The following SCN8A variants were observed in gnomAD, a reference collection of about 807,000 sequenced individuals.
SCN8A encodes sodium voltage-gated channel alpha subunit 8.
In SCN8A, 30 loss-of-function variants were observed where a neutral mutation model predicts 184.1. The observed-to-expected ratio is 0.16, with a 90% CI of 0.12 to 0.22. The LOEUF is 0.22. Among genes scored for constraint, SCN8A ranks in the 10% least tolerant of loss-of-function variants. The pLI, the probability that SCN8A is intolerant of heterozygous loss-of-function variation, is 1.00. For synonymous variants in SCN8A, 852 were observed against 907.0 expected (o/e 0.94, Z 1.09); for missense variants, 1,057 against 2,498.9 (o/e 0.42, Z 12.30).
At chr12:51,671,009 A>G (rs1427647270) in intron 2 of SCN8A, among the ~76,000 whole-genome samples, 3 of 152,228 alleles carry the variant, frequency 2.0e-5, no homozygotes, top group African/African-American at 7.2e-5. Context: ...ACGTGCATTA[A>G]TGAAGATAAC....
At chr12:51,667,541 T>C (rs1400444209) in intron 2 of SCN8A, among the ~76,000 whole-genome samples, 1 of 152,000 alleles carries the variant, frequency 6.6e-6, no homozygotes, top group Non-Finnish European at 1.5e-5. Flanking sequence ...CTCCCACTTT[T>C]AAAAGTTTTT....
chr12:51,779,257 C>T (rs1045266284), intron 20 of SCN8A, among the ~76,000 whole-genome samples: 2 of 149,542 alleles, frequency 1.3e-5, no homozygotes, highest in African/African-American at 4.9e-5. Context: ...AGACCCCAAA[C>T]ATTCTGGAGT....
Position 51,720,061 on chromosome 12 carries a change from G to A in SCN8A, c.1636-1485G>A, listed in dbSNP as rs1282100422. ...ACTGCACTCCAGCCTGGGCGACAGA[G>A]CGAGACTCCGTCTCAAAAAAAAAAA... On this transcript the variant is annotated intron_variant, in intron 11 of 26. Coordinates refer to ENST00000627620, the MANE Select transcript of SCN8A (RefSeq NM_001330260.2). Among the ~76,000 whole-genome samples, 284 of 129,880 alleles carry A rather than the reference G, an allele frequency of 2.2e-3. 2 individuals carry two copies. Among genetic ancestry groups the A allele is most frequent in the South Asian group, 0.016 (63 of 4,052 alleles). The allele number at this position is 129,880 out of a possible 152,430, so 85.2% of individuals were successfully genotyped here. A position where few individuals can be genotyped will look rare whatever the true frequency, so the allele number is the denominator to read the frequency against.
chr12:51,771,436 A>AG (rs1942924404), intron 19 of SCN8A, among the ~76,000 whole-genome samples: 1 of 152,032 alleles, frequency 6.6e-6, no homozygotes, highest in African/African-American at 2.4e-5. Flanking sequence ...CTGGAAGCAA[A>AG]AAAAAAAACA....
At chr12:51,632,682 C>CA in intron 1 of SCN8A, among the ~76,000 whole-genome samples, 1 of 152,278 alleles carries the variant, frequency 6.6e-6, no homozygotes. Context: ...AAGAAGCATA[C>CA]AGCAAACTAC....
intron 20 of SCN8A, among the ~76,000 whole-genome samples, chr12:51,777,416 C>T (rs1262474617): frequency 4.6e-5 from 7 of 152,162 alleles, no homozygotes; most frequent in South Asian, 2.1e-4. Flanking sequence ...CGTGCCAAGG[C>T]GCCCAGCTTG....
chr12:51,724,241 T>C (rs1168327436), intron 12 of SCN8A, among the ~76,000 whole-genome samples: 1 of 151,850 alleles, frequency 6.6e-6, no homozygotes, highest in Non-Finnish European at 1.5e-5. Context: ...AGGTCTGGAG[T>C]TTGAGACCAG....
At chr12:51,759,813 C>A (rs1942735603) in intron 14 of SCN8A, among the ~76,000 whole-genome samples, 1 of 152,190 alleles carries the variant, frequency 6.6e-6, no homozygotes, top group African/African-American at 2.4e-5. Flanking sequence ...TTATAACAGA[C>A]AGAAATTTAT....
intron 2 of SCN8A, among the ~76,000 whole-genome samples, chr12:51,675,732 A>G (rs1183136855): frequency 6.6e-6 from 1 of 152,206 alleles, no homozygotes; most frequent in Non-Finnish European, 1.5e-5. Context: ...AAATTGTAGT[A>G]TGCCTTGATA....
chr12:51,681,822 CT>C (rs1216691374), intron 2 of SCN8A, among the ~76,000 whole-genome samples: 2 of 152,096 alleles, frequency 1.3e-5, no homozygotes, highest in Non-Finnish European at 2.9e-5. Flanking sequence ...AAGAAAAGAA[CT>C]TTAAAAAACA....
At chr12:51,749,108 G>A (rs1942557536) in intron 13 of SCN8A, among the ~76,000 whole-genome samples, 1 of 152,218 alleles carries the variant, frequency 6.6e-6, no homozygotes, top group Admixed American at 6.5e-5. Flanking sequence ...TGTGGAACCA[G>A]TAACAGTTTG....
At chr12:51,701,309 A>G in intron 8 of SCN8A, 102 bp downstream of exon 8, 1 of 646,750 alleles carries the variant, frequency 1.5e-6, no homozygotes, top group Non-Finnish European at 2.5e-6. Context: ...GTGCTCAAGT[A>G]GTAGACCTTA....
chr12:51,757,736 A>G (rs972586955), intron 14 of SCN8A, among the ~76,000 whole-genome samples: 2 of 152,216 alleles, frequency 1.3e-5, no homozygotes, highest in Non-Finnish European at 2.9e-5. Flanking sequence ...GCAGTGAGCT[A>G]TGATCATGCC....
At chr12:51,711,028 T>G (rs1276086716) in intron 11 of SCN8A, among the ~76,000 whole-genome samples, 1 of 152,218 alleles carries the variant, frequency 6.6e-6, no homozygotes, top group Non-Finnish European at 1.5e-5. Flanking sequence ...ATTTAACCCT[T>G]TCTGAGAGAC....
chr12:51,725,803 A>G (rs1053430902), intron 12 of SCN8A, among the ~76,000 whole-genome samples: 2 of 152,252 alleles, frequency 1.3e-5, no homozygotes, highest in Non-Finnish European at 2.9e-5. Context: ...TAAATTAACT[A>G]GAAGCCCAAG....
intron 1 of SCN8A, among the ~76,000 whole-genome samples, chr12:51,657,633 T>C (rs989369726): frequency 6.6e-6 from 1 of 152,090 alleles, no homozygotes; most frequent in African/African-American, 2.4e-5. Context: ...TAGTTTGATA[T>C]AATCCCATTT....
In SCN8A at chr12:51,807,528, A is replaced by C. The variant is rs1304693300; in HGVS notation, c.*99A>C. 7.9e-7 allele frequency: 1 copy of C among 1,259,636 alleles called. No individual in the cohort carries two copies. Among genetic ancestry groups the C allele is most frequent in the African/African-American group, 1.5e-5 (1 of 67,088 alleles). The allele number at this position is 1,259,636 out of a possible 1,614,324, so 78.0% of individuals were successfully genotyped here. A position where few individuals can be genotyped will look rare whatever the true frequency, so the allele number is the denominator to read the frequency against. ...TTATCAATGCAGAACAGCTGTGGAG[A>C]CTCTAACCTGAAGATCTATACCAAA... On this transcript the variant is annotated 3_prime_UTR_variant, in exon 27 of 27. Coordinates refer to ENST00000627620, the MANE Select transcript of SCN8A (RefSeq NM_001330260.2). This position sits in a 1 kb window ranked among gnomAD's most constrained non-coding sequence, Gnocchi z 4.5.
chr12:51,774,232 C>T lies in SCN8A; in HGVS notation c.3689C>T (p.Thr1230Ile), dbSNP rs759641353. 6.2e-7 allele frequency: 1 copy of T among 1,613,918 alleles called. No individual in the cohort carries two copies. Among genetic ancestry groups the T allele is most frequent in the Non-Finnish European group, 8.5e-7 (1 of 1,179,850 alleles). The change falls in exon 20 of 27, where the codon ACC becomes ATC. Residue 1230 changes from threonine to isoleucine, a missense_variant. Coordinates refer to ENST00000627620, the MANE Select transcript of SCN8A (RefSeq NM_001330260.2). ...IYIEQRKTIR[T>I]ILEYADKVFT... The stretch of plus-strand genomic sequence containing the variant: ...ATTGAGCAGAGAAAGACCATCCGCA[C>T]CATCCTGGAATATGCTGACAAAGTC...
chr12:51,618,090 T>C (rs1939879064), intron 1 of SCN8A, among the ~76,000 whole-genome samples: 2 of 152,174 alleles, frequency 1.3e-5, no homozygotes, highest in Admixed American at 1.3e-4. Context: ...CTTGGACTTT[T>C]AGTTTCTCTA....
Sources: gnomAD v4.1 joint callset for allele counts (sites outside exome capture counted in the v4.1 genomes callset) on GRCh38, gnomAD v4.1.1 for gene constraint, Gnocchi (gnomAD v3.1) non-coding constraint, MANE v1.5 for transcripts, NCBI Gene and HGNC (gene_info 2026-07-23, HGNC 2026-07-21) for gene names.